The following TCEA1 variants were observed in gnomAD, a reference collection of about 807,000 sequenced individuals.
TCEA1 encodes the protein transcription elongation factor A protein 1.
In TCEA1, 21 loss-of-function variants were observed where a neutral mutation model predicts 43.8. That is an observed-to-expected ratio of 0.48 (90% confidence interval 0.34 to 0.69). TCEA1 has a LOEUF of 0.69. Ranked by LOEUF, TCEA1 falls within the 30% of genes least tolerant of loss-of-function variation. The pLI, the probability that TCEA1 is intolerant of heterozygous loss-of-function variation, is 0.01. For missense variants in TCEA1, 250 were observed against 365.1 expected, an observed-to-expected ratio of 0.68 and a Z score of 2.57; for synonymous variants, 104 against 117.5, an observed-to-expected ratio of 0.88 and a Z score of 0.75.
At chr8:53,979,347 A>C (rs1803435888) in intron 7 of TCEA1, among the ~76,000 whole-genome samples, 176 bp from the exon 8 acceptor site, 1 of 152,234 alleles carries the variant, frequency 6.6e-6, no homozygotes, top group South Asian at 2.1e-4. Context: ...TCCTTTTAAA[A>C]ATTTCTTCAA....
At chr8:54,012,553 C>T (rs936329504) in intron 1 of TCEA1, among the ~76,000 whole-genome samples, 1 of 151,804 alleles carries the variant, frequency 6.6e-6, no homozygotes, top group Non-Finnish European at 1.5e-5. Flanking sequence ...AGCGAGACTC[C>T]GTCTCAAAAA....
chr8:54,000,444 C>G (rs546381144), intron 2 of TCEA1, among the ~76,000 whole-genome samples: 3 of 152,156 alleles, frequency 2.0e-5, no homozygotes, highest in African/African-American at 4.8e-5. Flanking sequence ...ACATGGATTA[C>G]TTCATAGAGC....
intron 2 of TCEA1, among the ~76,000 whole-genome samples, chr8:54,009,556 A>G (rs1036929727): frequency 6.6e-6 from 1 of 152,218 alleles, no homozygotes; most frequent in Non-Finnish European, 1.5e-5. Context: ...TAACTGAAAT[A>G]AGCCAGGCAG....
chr8:53,968,143 C>A (rs1202741729), intron 9 of TCEA1, 31 bp from the exon 10 acceptor site: 4 of 1,494,616 alleles, frequency 2.7e-6, no homozygotes, highest in South Asian at 2.6e-5. Flanking sequence ...TTTTGTAAGA[C>A]CTTTAAATAC....
chr8:53,975,023 TTTG>T (rs1803287909), intron 8 of TCEA1, among the ~76,000 whole-genome samples: 1 of 152,110 alleles, frequency 6.6e-6, no homozygotes. Context: ...GGAAGAACTT[TTTG>T]TTGTTTATCA....
At chr8:53,973,024 C>T (rs1282864919) in intron 8 of TCEA1, 3 of 673,684 alleles carry the variant, frequency 4.5e-6, no homozygotes, top group African/African-American at 3.5e-5. Flanking sequence ...AATTACAACA[C>T]TCAACAGGAA....
intron 6 of TCEA1, among the ~76,000 whole-genome samples, chr8:53,986,043 G>A (rs995148103): frequency 2.2e-4 from 33 of 152,260 alleles, no homozygotes; most frequent in African/African-American, 7.7e-4. Context: ...GATAAAAAGT[G>A]AAGAATAAGA....
intron 8 of TCEA1, chr8:53,972,454 C>T (rs1803185312): frequency 5.8e-6 from 3 of 519,554 alleles, no homozygotes; most frequent in South Asian, 3.0e-5. Flanking sequence ...TTTGGGCATG[C>T]ATGGAGAGAA....
chr8:54,001,337 T>A (rs1319888062), intron 2 of TCEA1, among the ~76,000 whole-genome samples: 1 of 152,182 alleles, frequency 6.6e-6, no homozygotes, highest in Non-Finnish European at 1.5e-5. Flanking sequence ...ATACGGGTAC[T>A]TGAGGTTTCC....
intron 8 of TCEA1, among the ~76,000 whole-genome samples, chr8:53,977,646 T>C (rs1803373084): frequency 6.6e-6 from 1 of 152,178 alleles, no homozygotes; most frequent in Non-Finnish European, 1.5e-5. Flanking sequence ...GGAGACAATC[T>C]TGAGTTTACA....
chr8:53,986,947 T>C (rs1397596349), intron 6 of TCEA1, 22 bp downstream of exon 6: 3 of 1,551,336 alleles, frequency 1.9e-6, no homozygotes, highest in East Asian at 2.3e-5. Context: ...AAAACAATTA[T>C]GAATATACAC....
intron 8 of TCEA1, chr8:53,973,092 GA>G: frequency 1.5e-6 from 1 of 656,256 alleles, no homozygotes; most frequent in Non-Finnish European, 2.9e-6. Context: ...TTCCTCTAGC[GA>G]AAATGAAGAG....
At position 53,968,010 on chromosome 8, in the gene TCEA1, T is replaced by G. The variant is rs1803039843; in HGVS notation, c.*94A>C. ...TCTAACCCAAGTTGCTTTAAAAATT[T>G]GATTTGCAGGAAAACTAGTTGCTTG... On this transcript the variant is annotated 3_prime_UTR_variant, in exon 10 of 10. Transcript: ENST00000521604. The G allele has an allele frequency of 8.4e-7, 1 of 1,190,956 alleles. No individual in the cohort carries two copies. Among genetic ancestry groups the G allele is most frequent in the African/African-American group, 1.5e-5 (1 of 65,644 alleles). 73.8% of individuals were successfully genotyped at this position (1,190,956 alleles called of 1,614,324 possible). A position where few individuals can be genotyped will look rare whatever the true frequency, so the allele number is the denominator to read the frequency against.
intron 2 of TCEA1, among the ~76,000 whole-genome samples, chr8:54,009,930 C>T (rs909742785): frequency 6.6e-6 from 1 of 151,644 alleles, no homozygotes; most frequent in Admixed American, 6.6e-5. Context: ...TTACATATAC[C>T]CCCTTAAACA....
At chr8:53,972,777 T>G (rs1286273701) in intron 8 of TCEA1, 5 of 716,570 alleles carry the variant, frequency 7.0e-6, no homozygotes, top group Non-Finnish European at 1.1e-5. Context: ...AGTAGTAGAC[T>G]GTGATTCTCC....
intron 3 of TCEA1, among the ~76,000 whole-genome samples, chr8:53,998,233 C>A (rs901856651): frequency 1.1e-4 from 16 of 152,190 alleles, no homozygotes; most frequent in African/African-American, 3.9e-4. Context: ...TGAATAAGGT[C>A]TGTAGACTGT....
intron 8 of TCEA1, chr8:53,973,067 T>G (rs1175761409): frequency 3.0e-6 from 2 of 669,980 alleles, no homozygotes; most frequent in Admixed American, 3.6e-5. Context: ...ACATGGATTT[T>G]CAAGACTACT....
Position 54,022,307 on chromosome 8 carries a change from G to GCTCCTC in TCEA1, c.-188_-183dup, listed in dbSNP as rs1405302307. 5.9e-6 allele frequency: 4 copies of GCTCCTC among 678,986 alleles called. No individual in the cohort carries two copies. The highest frequency in any genetic ancestry group is 1.9e-5 in the African/African-American group (1 of 52,632). The allele number at this position is 678,986 out of a possible 1,614,324, so 42.1% of individuals were successfully genotyped here. On this transcript the variant is annotated 5_prime_UTR_variant, in exon 1 of 10. Coordinates refer to ENST00000521604, the MANE Select transcript of TCEA1 (RefSeq NM_006756.4). ...GGCGGCGGCGGCGGCGGCGGCTCCG[G>GCTCCTC]CTCCTCCTCCCCAGGCAGCGACAAT...
At chr8:53,995,162 A>G (rs1804011377) in intron 3 of TCEA1, among the ~76,000 whole-genome samples, 2 of 151,944 alleles carry the variant, frequency 1.3e-5, no homozygotes, top group African/African-American at 4.8e-5. Flanking sequence ...TTAGCTGGAC[A>G]TGGTGGTGCA....
Sources: allele counts gnomAD v4.1 joint callset (sites outside exome capture counted in the v4.1 genomes callset), GRCh38; gene constraint gnomAD v4.1.1; transcripts MANE v1.5; gene names NCBI Gene and HGNC (gene_info 2026-07-23, HGNC 2026-07-21).